The following BRIP1 variants were observed in gnomAD, a reference collection of about 807,000 sequenced individuals.
BRIP1 encodes BRCA1 interacting DNA helicase 1.
A neutral mutation model predicts 119.7 loss-of-function variants in BRIP1; 88 were observed. That is an observed-to-expected ratio of 0.74 (90% confidence interval 0.62 to 0.88). The LOEUF is 0.88. BRIP1 is among the 40% of genes least tolerant of loss of function. The probability of loss-of-function intolerance (pLI) is 0.00; values close to 1 mark genes in which losing one functional copy is unlikely to be tolerated. For synonymous variants in BRIP1, 443 were observed against 496.5 expected (o/e 0.89, Z 1.43); for missense variants, 1,259 against 1,455.4 (o/e 0.87, Z 2.20).
Position 61,744,921 on chromosome 17 carries a change from C to CACT in BRIP1, c.2098-333_2098-331dup, listed in dbSNP as rs148735095. The stretch of plus-strand genomic sequence containing the variant: ...TCTTGGCAATTTCTACCACCACCAC[C>CACT]ACTACTACTACTACTACTACTATCT... On this transcript the variant is annotated intron_variant, in intron 14 of 19. Coordinates refer to ENST00000259008, the MANE Select transcript of BRIP1 (RefSeq NM_032043.3). The surrounding 1 kb of genome is among the most constrained non-coding windows in gnomAD (Gnocchi z 5.0). Among the ~76,000 whole-genome samples, 121 of 150,878 alleles carry CACT rather than the reference C, an allele frequency of 8.0e-4. 1 individual carries two copies. The highest frequency in any genetic ancestry group is 3.4e-3 in the Middle Eastern group (1 of 290).
chr17:61,731,096 T>TG (rs1389654427), intron 16 of BRIP1, among the ~76,000 whole-genome samples: 1 of 149,204 alleles, frequency 6.7e-6, no homozygotes, highest in African/African-American at 2.4e-5. Context: ...AAAAAAAAGC[T>TG]GGGGAAAAAA....
At position 61,794,093 on chromosome 17, in the gene BRIP1, A is replaced by T. The variant is rs561479766; in HGVS notation, c.1341-364T>A. On this transcript the variant is annotated intron_variant, in intron 9 of 19. Transcript: ENST00000259008. The surrounding 1 kb of genome is among the most constrained non-coding windows in gnomAD (Gnocchi z 4.3). ...TGCAAAACAACCTAATAAAGAAATT[A>T]AAGTGTTACATATTAACACAAAAAA... 6.6e-6 allele frequency among the ~76,000 whole-genome samples: 1 copy of T among 152,334 alleles called. No homozygotes were observed. Among genetic ancestry groups the T allele is most frequent in the African/African-American group, 2.4e-5 (1 of 41,584 alleles).
At position 61,779,955 on chromosome 17, in the gene BRIP1, C is replaced by A. The variant is rs972599795; in HGVS notation, c.1935+306G>T. On this transcript the variant is annotated intron_variant, in intron 13 of 19. Transcript: ENST00000259008. The stretch of plus-strand genomic sequence containing the variant: ...GACTCTGTCTCAAAAATCAATCAAT[C>A]AATAAATAAAACATAATTATACAAT... Among the ~76,000 whole-genome samples the A allele has an allele frequency of 4.4e-4, 67 of 152,126 alleles. 1 individual carries two copies. The highest frequency in any genetic ancestry group is 3.4e-3 in the Middle Eastern group (1 of 294).
At position 61,776,293 on chromosome 17, in the gene BRIP1, T is replaced by C. The variant is rs1357335589; in HGVS notation, c.2097+108A>G. On this transcript the variant is annotated intron_variant, in intron 14 of 19. Coordinates refer to ENST00000259008, the MANE Select transcript of BRIP1 (RefSeq NM_032043.3). The surrounding 1 kb of genome is among the most constrained non-coding windows in gnomAD (Gnocchi z 5.0). ...TTAGAAAACTATAGTTATTACCTTG[T>C]TGCCTCTACCCTAGGAAGCTTACTG... 2 of 1,213,508 alleles carry C rather than the reference T, an allele frequency of 1.6e-6. No homozygotes were observed. The highest frequency in any genetic ancestry group is 2.4e-6 in the Non-Finnish European group (2 of 828,664). The allele number at this position is 1,213,508 out of a possible 1,614,324, so 75.2% of individuals were successfully genotyped here. A position where few individuals can be genotyped will look rare whatever the true frequency, so the allele number is the denominator to read the frequency against.
Position 61,757,813 on chromosome 17 carries a change from A to G in BRIP1, c.2098-13222T>C, listed in dbSNP as rs1382165489. On this transcript the variant is annotated intron_variant, in intron 14 of 19. Coordinates refer to ENST00000259008, the MANE Select transcript of BRIP1 (RefSeq NM_032043.3). This position sits in a 1 kb window ranked among gnomAD's most constrained non-coding sequence, Gnocchi z 4.3. ...TCAGGATTTCAAGACCAGCCTGGGC[A>G]ACATGGCTAAACCCCATCTCTACAA... Among the ~76,000 whole-genome samples, 5 of 152,164 alleles carry G rather than the reference A, an allele frequency of 3.3e-5. No homozygotes were observed. In the South Asian group the frequency reaches 1.0e-3, roughly 32 times the overall value.
At position 61,768,198 on chromosome 17, in the gene BRIP1, TAAGTA is replaced by T. The variant is rs562238877; in HGVS notation, c.2097+8198_2097+8202del. 1.1e-4 allele frequency among the ~76,000 whole-genome samples: 17 copies of T among 152,264 alleles called. No homozygotes were observed. The South Asian group carries it at 2.3e-3, about 20-fold the overall frequency. On this transcript the variant is annotated intron_variant, in intron 14 of 19. Transcript: ENST00000259008. The surrounding 1 kb of genome is among the most constrained non-coding windows in gnomAD (Gnocchi z 5.0). ...CTCAATAATGATTTCTTCAATGGAT[TAAGTA>T]AATAAAAATAAATGTGAAGTAAAGT...
At position 61,768,558 on chromosome 17, in the gene BRIP1, A is replaced by G. The variant is rs956183046; in HGVS notation, c.2097+7843T>C. Among the ~76,000 whole-genome samples the G allele has an allele frequency of 3.9e-5, 6 of 152,160 alleles. No homozygotes were observed. Among genetic ancestry groups the G allele is most frequent in the Non-Finnish European group, 8.8e-5 (6 of 68,038 alleles). ...TGCCTTTGCTACCTAAATTTCATAA[A>G]TATCATTTCACTTCTATTAATATTT... is the stretch of plus-strand genomic sequence containing the variant. On this transcript the variant is annotated intron_variant, in intron 14 of 19. Transcript: ENST00000259008. The surrounding 1 kb of genome is among the most constrained non-coding windows in gnomAD (Gnocchi z 5.0).
rs1053704297 is a variant in BRIP1 at position 61,828,466 on chromosome 17, T to A, written c.627+18635A>T. 1.6e-4 allele frequency among the ~76,000 whole-genome samples: 25 copies of A among 152,120 alleles called. No individual in the cohort carries two copies. The highest frequency in any genetic ancestry group is 3.2e-4 in the Non-Finnish European group (22 of 68,026). ...GTTTCAGTTTGGAAAGATGAAAAGGTTCTGGCACTAGATAATAGTATATAA... is the reference window on the plus strand; with the variant it reads ...GTTTCAGTTTGGAAAGATGAAAAGGATCTGGCACTAGATAATAGTATATAA... On this transcript the variant is annotated intron_variant, in intron 6 of 19. Coordinates refer to ENST00000259008, the MANE Select transcript of BRIP1 (RefSeq NM_032043.3). This position sits in a 1 kb window ranked among gnomAD's most constrained non-coding sequence, Gnocchi z 4.1.
chr17:61,716,197 TTTTCG>T (rs2061860168), intron 16 of BRIP1, 134 bp from the exon 17 acceptor site: 1 of 595,918 alleles, frequency 1.7e-6, no homozygotes, highest in Non-Finnish European at 2.8e-6. Context: ...GTACTGATTT[TTTTCG>T]TTTCATTTAA....
In BRIP1 at chr17:61,787,633, CTTTTT is replaced by C. The variant is rs923575968; in HGVS notation, c.1474-3214_1474-3210del. Among the ~76,000 whole-genome samples the C allele has an allele frequency of 2.0e-5, 3 of 150,880 alleles. No homozygotes were observed. The East Asian group carries it at 5.8e-4, about 29-fold the overall frequency. ...AGCAACAAAACCAAGATGTCTTTTT[CTTTTT>C]TTTATTTTATTTTATTTCTTTTTTG... On this transcript the variant is annotated intron_variant, in intron 10 of 19. Coordinates refer to ENST00000259008, the MANE Select transcript of BRIP1 (RefSeq NM_032043.3).
intron 17 of BRIP1, among the ~76,000 whole-genome samples, chr17:61,694,432 A>T (rs961803847): frequency 9.2e-5 from 14 of 152,266 alleles, no homozygotes; most frequent in African/African-American, 3.1e-4. Flanking sequence ...CTTCATTTAT[A>T]AGTTAATGTT....
Position 61,726,963 on chromosome 17 carries a change from A to C in BRIP1, c.2380-10900T>G, listed in dbSNP as rs1449493521. ...TATGAGAGCCCGATAACTGTGAATA[A>C]ACTTTTGCTAGCAATAACAACTAAC... is the stretch of plus-strand genomic sequence containing the variant. On this transcript the variant is annotated intron_variant, in intron 16 of 19. Transcript: ENST00000259008. This position sits in a 1 kb window ranked among gnomAD's most constrained non-coding sequence, Gnocchi z 6.2. Among the ~76,000 whole-genome samples, 4 of 152,214 alleles carry C rather than the reference A, an allele frequency of 2.6e-5. No homozygotes were observed. Among genetic ancestry groups the C allele is most frequent in the Admixed American group, 2.6e-4 (4 of 15,278 alleles).
intron 6 of BRIP1, among the ~76,000 whole-genome samples, chr17:61,838,259 T>A (rs1261634251): frequency 2.0e-5 from 3 of 152,068 alleles, no homozygotes; most frequent in African/African-American, 7.2e-5. Flanking sequence ...TTTAAAGGTG[T>A]TAGAATTCAA....
In BRIP1 at chr17:61,774,141, A is replaced by C. The variant is rs551344315; in HGVS notation, c.2097+2260T>G. Among the ~76,000 whole-genome samples, 37 of 152,228 alleles carry C rather than the reference A, an allele frequency of 2.4e-4. No homozygotes were observed. The highest frequency in any genetic ancestry group is 4.7e-4 in the Non-Finnish European group (32 of 67,988). ...ACTATAAAGACACATGCATACGTAT[A>C]TTTATTGCAGCCTATTCACAATAGC... On this transcript the variant is annotated intron_variant, in intron 14 of 19. Coordinates refer to ENST00000259008, the MANE Select transcript of BRIP1 (RefSeq NM_032043.3). The surrounding 1 kb of genome is among the most constrained non-coding windows in gnomAD (Gnocchi z 5.8).
In BRIP1 at chr17:61,776,593, A is replaced by G. The variant is rs756102977; in HGVS notation, c.1936-31T>C. 5.6e-6 allele frequency: 9 copies of G among 1,608,396 alleles called. No homozygotes were observed. The highest frequency in any genetic ancestry group is 7.7e-6 in the Non-Finnish European group (9 of 1,174,908). On this transcript the variant is annotated intron_variant, in intron 13 of 19. Coordinates refer to ENST00000259008, the MANE Select transcript of BRIP1 (RefSeq NM_032043.3). The surrounding 1 kb of genome is among the most constrained non-coding windows in gnomAD (Gnocchi z 5.0). ...ATATGAATATGTCATTATTAGAGTT[A>G]TGCCTGAAAAAGGCATGGAAATTAG...
chr17:61,721,482 G>T (rs1033505132), intron 16 of BRIP1, among the ~76,000 whole-genome samples: 3 of 150,260 alleles, frequency 2.0e-5, no homozygotes, highest in Non-Finnish European at 4.4e-5. Flanking sequence ...TGTTGACCAG[G>T]ATGGTCTCGA....
At position 61,808,388 on chromosome 17, in the gene BRIP1, T is replaced by C. The variant is rs1163140639; in HGVS notation, c.918+79A>G. The C allele has an allele frequency of 4.2e-6, 6 of 1,420,434 alleles. No individual in the cohort carries two copies. Among genetic ancestry groups the C allele is most frequent in the South Asian group, 3.5e-5 (3 of 85,422 alleles). The allele number at this position is 1,420,434 out of a possible 1,614,324, so 88.0% of individuals were successfully genotyped here. A position where few individuals can be genotyped will look rare whatever the true frequency, so the allele number is the denominator to read the frequency against. ...TTTCCGAAGTTGATTATCACTAAAA[T>C]GTACATATAAAACACATACTGAGTA... On this transcript the variant is annotated intron_variant, in intron 7 of 19. Coordinates refer to ENST00000259008, the MANE Select transcript of BRIP1 (RefSeq NM_032043.3). This position sits in a 1 kb window ranked among gnomAD's most constrained non-coding sequence, Gnocchi z 4.1.
chr17:61,704,923 T>A lies in BRIP1; in HGVS notation c.2492+11028A>T, dbSNP rs1445260825. On this transcript the variant is annotated intron_variant, in intron 17 of 19. Coordinates refer to ENST00000259008, the MANE Select transcript of BRIP1 (RefSeq NM_032043.3). The surrounding 1 kb of genome is among the most constrained non-coding windows in gnomAD (Gnocchi z 5.7). ...ATTGATCTTTTCAAAGAGTCTATTT[T>A]TTTCTGTTTTTCAACTTTTATTTTA... Among the ~76,000 whole-genome samples the A allele has an allele frequency of 6.6e-6, 1 of 152,180 alleles. No homozygotes were observed. The highest frequency in any genetic ancestry group is 2.4e-5 in the African/African-American group (1 of 41,460).
At chr17:61,692,283 C>A (rs1419458778) in intron 18 of BRIP1, among the ~76,000 whole-genome samples, 2 of 152,012 alleles carry the variant, frequency 1.3e-5, no homozygotes, top group Non-Finnish European at 2.9e-5. Flanking sequence ...AAAACACAGG[C>A]AATAAAAGCA....
Sources: allele counts gnomAD v4.1 joint callset (sites outside exome capture counted in the v4.1 genomes callset), GRCh38; gene constraint gnomAD v4.1.1; non-coding constraint Gnocchi (gnomAD v3.1); transcripts MANE v1.5; gene names NCBI Gene and HGNC (gene_info 2026-07-23, HGNC 2026-07-21).